ITFG1: variants seen among roughly 807,000 people sequenced by gnomAD.
The protein encoded by ITFG1 is integrin alpha FG-GAP repeat containing 1, also known as T-cell immunomodulatory protein.
ITFG1 carries 34 observed loss-of-function variants against 81.8 expected under a neutral mutation model. The observed-to-expected ratio is 0.42, with a 90% CI of 0.32 to 0.55. ITFG1 has a LOEUF of 0.55. Ranked by LOEUF, ITFG1 falls within the 20% of genes least tolerant of loss-of-function variation. The pLI is 0.17. For missense variants in ITFG1, 672 were observed against 755.4 expected, an observed-to-expected ratio of 0.89 and a Z score of 1.29; for synonymous variants, 285 against 270.6, an observed-to-expected ratio of 1.05 and a Z score of -0.52.
At chr16:47,273,943 A>G (rs146480286) in intron 10 of ITFG1, among the ~76,000 whole-genome samples, 9 of 152,272 alleles carry the variant, frequency 5.9e-5, no homozygotes, top group Non-Finnish European at 1.2e-4. Flanking sequence ...AAATCCATGT[A>G]CTTTAATAAC....
rs1284322250 is a variant in ITFG1, at chr16:47,452,870, C to A, written c.428-80G>T. 4 of 669,512 alleles carry A rather than the reference C, an allele frequency of 6.0e-6. No homozygotes were observed. The East Asian group carries it at 9.3e-5, about 16-fold the overall frequency. The allele number at this position is 669,512 out of a possible 1,614,324, so 41.5% of individuals were successfully genotyped here. On this transcript the variant is annotated intron_variant, in intron 3 of 17. Coordinates refer to ENST00000320640, the MANE Select transcript of ITFG1 (RefSeq NM_030790.5). ...ATATCTATGCTTAGGAAAAAATATT[C>A]TTCTACTCTTTTCTAGATTTATCTC...
chr16:47,254,577 CA>C (rs2151540062), intron 12 of ITFG1, among the ~76,000 whole-genome samples: 1 of 152,258 alleles, frequency 6.6e-6, no homozygotes, highest in African/African-American at 2.4e-5. Flanking sequence ...CAAGTATAGA[CA>C]GTTCAATCAC....
intron 6 of ITFG1, among the ~76,000 whole-genome samples, chr16:47,383,865 T>G (rs891539264): frequency 1.4e-4 from 21 of 152,282 alleles, no homozygotes; most frequent in Middle Eastern, 3.4e-3. Flanking sequence ...GATCGTGCCA[T>G]TGCACTCCAA....
At chr16:47,383,937 A>C (rs761328702) in intron 6 of ITFG1, among the ~76,000 whole-genome samples, 37 of 152,338 alleles carry the variant, frequency 2.4e-4, no homozygotes, top group Non-Finnish European at 4.9e-4. Context: ...GTCAGTTTAT[A>C]CTGATGTTAA....
intron 8 of ITFG1, among the ~76,000 whole-genome samples, chr16:47,315,108 A>C (rs1014927639): frequency 2.6e-5 from 4 of 152,122 alleles, no homozygotes; most frequent in Admixed American, 2.6e-4. Flanking sequence ...ATGATTAATA[A>C]CATTATGATA....
At chr16:47,357,299 CATA>C (rs1567472845) in intron 8 of ITFG1, among the ~76,000 whole-genome samples, 2 of 152,028 alleles carry the variant, frequency 1.3e-5, no homozygotes, top group African/African-American at 4.8e-5. Flanking sequence ...AGTATACATT[CATA>C]ATACCATTCA....
chr16:47,299,012 C>T (rs1596871019), intron 10 of ITFG1, among the ~76,000 whole-genome samples: 1 of 152,054 alleles, frequency 6.6e-6, no homozygotes, highest in Non-Finnish European at 1.5e-5. Context: ...TACACACCAG[C>T]CCTGAGAGGG....
chr16:47,230,502 T>G (rs954428679), intron 13 of ITFG1, among the ~76,000 whole-genome samples: 3 of 152,070 alleles, frequency 2.0e-5, no homozygotes, highest in Non-Finnish European at 4.4e-5. Context: ...AAGGTACATA[T>G]GTATACATGT....
chr16:47,364,988 A>C (rs890647110), intron 8 of ITFG1, among the ~76,000 whole-genome samples: 1 of 152,120 alleles, frequency 6.6e-6, no homozygotes, highest in Non-Finnish European at 1.5e-5. Context: ...TCAAACTCTA[A>C]CTTCTTGTGC....
rs1968170331 is a variant in ITFG1, at chr16:47,365,822, C to T, written c.768G>A (p.Met256Ile). ...CAAATGCTGACTGTCCAACCACCAT[C>T]ATATTTTGAGGTTTTTCCAATATAG... The part of the protein sequence containing the change: ...VSTILEKPQN[M>I]MVVGQSAFAD... Residue 256 changes from methionine to isoleucine, a missense_variant, in exon 8 of 18, where the codon ATG becomes ATA. Physicochemically the swap from Met to Ile is conservative, Grantham distance 10 (BLOSUM62 1). This residue lies in a region of ITFG1 where 560 missense variants were observed against 625.7 expected (regional missense o/e 0.90). Transcript: ENST00000320640. 9 of 1,605,474 alleles carry T rather than the reference C, an allele frequency of 5.6e-6. No homozygotes were observed. The highest frequency in any genetic ancestry group is 4.4e-5 in the South Asian group (4 of 90,700).
intron 8 of ITFG1, among the ~76,000 whole-genome samples, chr16:47,361,208 A>G (rs1272963962): frequency 6.6e-6 from 1 of 152,166 alleles, no homozygotes; most frequent in East Asian, 1.9e-4. Flanking sequence ...GATGTGATAC[A>G]CAGCAGTTAG....
intron 6 of ITFG1, among the ~76,000 whole-genome samples, chr16:47,408,355 G>A (rs965978824): frequency 2.0e-5 from 3 of 152,164 alleles, no homozygotes; most frequent in African/African-American, 7.2e-5. Context: ...CATCCACTCT[G>A]CACAAAGAAG....
intron 5 of ITFG1, among the ~76,000 whole-genome samples, chr16:47,442,583 C>A (rs1969267322): frequency 6.6e-6 from 1 of 152,152 alleles, no homozygotes; most frequent in Non-Finnish European, 1.5e-5. Context: ...ACAGAGCCCT[C>A]AGAAATAATG....
chr16:47,160,181 T>C (rs1440565593), intron 16 of ITFG1, among the ~76,000 whole-genome samples: 1 of 149,900 alleles, frequency 6.7e-6, no homozygotes, highest in Non-Finnish European at 1.5e-5. Flanking sequence ...AATGTAAGTG[T>C]TTTGGTAAAA....
intron 14 of ITFG1, among the ~76,000 whole-genome samples, chr16:47,210,948 T>C (rs982357041): frequency 2.0e-5 from 3 of 152,122 alleles, no homozygotes; most frequent in African/African-American, 4.8e-5. Context: ...GCAAAAGTAA[T>C]TGTGGTTTTG....
chr16:47,308,165 T>C (rs948414725), intron 10 of ITFG1, among the ~76,000 whole-genome samples: 7 of 152,218 alleles, frequency 4.6e-5, no homozygotes, highest in African/African-American at 1.7e-4. Context: ...ATATACCCAG[T>C]AATGGGATTG....
chr16:47,297,697 G>A (rs1468750814), intron 10 of ITFG1, among the ~76,000 whole-genome samples: 1 of 146,930 alleles, frequency 6.8e-6, no homozygotes, highest in East Asian at 2.0e-4. Flanking sequence ...GGCTTGTTAA[G>A]TCTCACATTG....
chr16:47,311,289 T>C lies in ITFG1; in HGVS notation c.1021A>G (p.Met341Val), dbSNP rs112730194. The stretch of plus-strand genomic sequence containing the variant: ...ACCAGAGCGTCTGGATAGCCATCCA[T>C]ATTGTAGTCTCCAATATGAAGGGTA... ...PITLHIGDYN[M>V]DGYPDALVIL... The change falls in exon 10 of 18, where the codon ATG becomes GTG. Residue 341 changes from methionine (M) to valine (V), a missense_variant. Met to Val is a conservative substitution (Grantham distance 21, BLOSUM62 1). Coordinates refer to ENST00000320640, the MANE Select transcript of ITFG1 (RefSeq NM_030790.5). The C allele has an allele frequency of 6.2e-7, 1 of 1,613,502 alleles. No individual in the cohort carries two copies. Among genetic ancestry groups the C allele is most frequent in the South Asian group, 1.1e-5 (1 of 91,054 alleles).
At chr16:47,343,758 G>A (rs758163778) in intron 8 of ITFG1, among the ~76,000 whole-genome samples, 2 of 152,088 alleles carry the variant, frequency 1.3e-5, no homozygotes, top group Admixed American at 6.5e-5. Context: ...TGGTAGGAAC[G>A]TAAAATGTTT....
Sources: allele counts gnomAD v4.1 joint callset (sites outside exome capture counted in the v4.1 genomes callset), GRCh38; gene constraint gnomAD v4.1.1; regional missense constraint gnomAD v4.1.1; transcripts MANE v1.5; gene names NCBI Gene and HGNC (gene_info 2026-07-23, HGNC 2026-07-21).